The following NR4A1 variants were observed in gnomAD, a reference collection of about 807,000 sequenced individuals.
NR4A1 encodes nuclear receptor subfamily 4 group A member 1, also known as nuclear receptor subfamily 4immunitygroup A member 1.
In NR4A1, 24 loss-of-function variants were observed where a neutral mutation model predicts 47.5. That is an observed-to-expected ratio of 0.50 (90% CI 0.37 to 0.71). The LOEUF is 0.71. Ranked by LOEUF, NR4A1 falls within the 30% of genes least tolerant of loss-of-function variation. The pLI is 0.00. For missense variants in NR4A1, 669 were observed against 788.6 expected, an observed-to-expected ratio of 0.85 and a Z score of 1.82; for synonymous variants, 353 against 345.7, an observed-to-expected ratio of 1.02 and a Z score of -0.24.
Position 52,058,875 on chromosome 12 carries a change from C to CA in NR4A1, c.1730dup (p.Leu578AlafsTer12). On this transcript the variant is annotated frameshift_variant, in exon 7 of 7. Coordinates refer to ENST00000394825, the MANE Select transcript of NR4A1 (RefSeq NM_173157.3). LOFTEE classifies it high-confidence loss of function. ...AGGGCCTGCAGCGCATCTTCTACCT[C>CA]AAGCTGGAGGACTTGGTGCCCCCTC... The CA allele has an allele frequency of 6.2e-7, 1 of 1,614,120 alleles. No homozygotes were observed. Among genetic ancestry groups the CA allele is most frequent in the Non-Finnish European group, 8.5e-7 (1 of 1,179,950 alleles).
At chr12:52,023,804 C>T (rs886372995) in intron 1 of NR4A1, among the ~76,000 whole-genome samples, 2 of 152,228 alleles carry the variant, frequency 1.3e-5, no homozygotes, top group African/African-American at 4.8e-5. Context: ...CTGTGGCTCC[C>T]CGCTGCAAAG....
upstream of NR4A1, among the ~76,000 whole-genome samples, chr12:52,051,165 G>A (rs1322587169): frequency 6.6e-6 from 1 of 152,220 alleles, no homozygotes; most frequent in Non-Finnish European, 1.5e-5. Context: ...GGGCGCGGCG[G>A]GCGCGAGGAG....
At chr12:52,041,833 G>A (rs749363717) in exon 2 of NR4A1, 3 of 1,490,566 alleles carry the variant, frequency 2.0e-6, no homozygotes, top group Non-Finnish European at 2.7e-6. Context: ...ACAGAGGCCA[G>A]GCCCTGCCCC....
chr12:52,031,620 G>C (rs1375730871), intron 1 of NR4A1, among the ~76,000 whole-genome samples: 1 of 151,790 alleles, frequency 6.6e-6, no homozygotes, highest in Non-Finnish European at 1.5e-5. Flanking sequence ...CTGGGTGACA[G>C]AGTGAGACTC....
intron 1 of NR4A1, chr12:52,037,502 C>G: frequency 2.0e-6 from 2 of 981,408 alleles, no homozygotes; most frequent in Non-Finnish European, 2.4e-6. Flanking sequence ...AATCTCGGGT[C>G]TTCGGTGGAT....
chr12:52,046,524 C>T (rs1938647851), upstream of NR4A1, among the ~76,000 whole-genome samples: 2 of 152,156 alleles, frequency 1.3e-5, no homozygotes, highest in African/African-American at 2.4e-5. Flanking sequence ...GCATTCCCTG[C>T]TAATCATACT....
At chr12:52,038,233 T>G in intron 1 of NR4A1, 1 of 247,642 alleles carries the variant, frequency 4.0e-6, no homozygotes, top group Non-Finnish European at 6.5e-6. Context: ...CCCGGCTAAT[T>G]TTTGTATTTT....
intron 1 of NR4A1, chr12:52,052,441 A>C: frequency 1.0e-6 from 1 of 980,102 alleles, no homozygotes; most frequent in Non-Finnish European, 1.2e-6. Context: ...TTCCAGCTCC[A>C]GATGCTGATC....
At chr12:52,038,803 TC>T in intron 1 of NR4A1, 1 of 756,536 alleles carries the variant, frequency 1.3e-6, no homozygotes. Context: ...GACTGACGAT[TC>T]CTGTGCTGAG....
chr12:52,056,071 C>A lies in NR4A1; in HGVS notation c.918C>A (p.Asn306Lys). Residue 306 changes from asparagine to lysine, a missense_variant, in exon 3 of 7, where the codon AAC (asparagine) becomes AAA (lysine). Physicochemically the swap from Asn to Lys is moderately conservative, Grantham distance 94 (BLOSUM62 0). Transcript: ENST00000394825. ...QKNAKYICLA[N>K]KDCPVDKRRR... is the part of the protein sequence containing the mutation. ...ACGCCAAGTACATCTGCCTGGCTAA[C>A]AAGGACTGCCCTGTGGACAAGAGGC... 6.5e-7 allele frequency: 1 copy of A among 1,539,820 alleles called. No individual in the cohort carries two copies. The highest frequency in any genetic ancestry group is 1.1e-5 in the South Asian group (1 of 89,388).
chr12:52,058,886 A>T lies in NR4A1; in HGVS notation c.1739A>T (p.Asp580Val). Residue 580 changes from aspartate (D) to valine (V), a missense_variant, in exon 7 of 7, where the codon GAC becomes GTC. Transcript: ENST00000394825. ...CGCATCTTCTACCTCAAGCTGGAGG[A>T]CTTGGTGCCCCCTCCACCCATCATT... ...LQRIFYLKLE[D>V]LVPPPPIIDK... 6.2e-7 allele frequency: 1 copy of T among 1,614,050 alleles called. No homozygotes were observed. Among genetic ancestry groups the T allele is most frequent in the Non-Finnish European group, 8.5e-7 (1 of 1,179,910 alleles).
chr12:52,054,783 C>T lies in NR4A1; in HGVS notation c.455C>T (p.Ser152Phe). ...STPSFQPPQL[S>F]PWDGSFGHFS... ...CCCAGCTTCCAGCCGCCCCAGCTCTCTCCCTGGGATGGCTCCTTCGGCCAC... is the reference window on the plus strand; with the variant it reads ...CCCAGCTTCCAGCCGCCCCAGCTCTTTCCCTGGGATGGCTCCTTCGGCCAC... Residue 152 changes from serine to phenylalanine, a missense_variant, in exon 2 of 7, where the codon TCT (serine) becomes TTT (phenylalanine). Ser to Phe is a radical substitution (Grantham distance 155, BLOSUM62 -2). Coordinates refer to ENST00000394825, the MANE Select transcript of NR4A1 (RefSeq NM_173157.3). 1.2e-6 allele frequency: 2 copies of T among 1,613,042 alleles called. No homozygotes were observed. Among genetic ancestry groups the T allele is most frequent in the Non-Finnish European group, 1.7e-6 (2 of 1,179,980 alleles).
At chr12:52,041,231 A>G (rs1364506409) in intron 1 of NR4A1, among the ~76,000 whole-genome samples, 2 of 152,152 alleles carry the variant, frequency 1.3e-5, no homozygotes, top group Admixed American at 6.5e-5. Context: ...TTAATTTTAC[A>G]GATGTCATCA....
In NR4A1 at chr12:52,059,015, C is replaced by G. The variant is rs1346122658; in HGVS notation, c.*71C>G. The G allele has an allele frequency of 1.1e-5, 16 of 1,515,936 alleles. No homozygotes were observed. Among genetic ancestry groups the G allele is most frequent in the Non-Finnish European group, 1.4e-5 (16 of 1,123,906 alleles). The allele number at this position is 1,515,936 out of a possible 1,614,324, so 93.9% of individuals were successfully genotyped here. ...CCCCATGTGCCTTTAGTCCACGGACCCCCAGAGCACCCCCAAGCCTGGGCT... is the reference window on the plus strand; with the variant it reads ...CCCCATGTGCCTTTAGTCCACGGACGCCCAGAGCACCCCCAAGCCTGGGCT... On this transcript the variant is annotated 3_prime_UTR_variant, in exon 7 of 7. Transcript: ENST00000394825.
chr12:52,054,712 C>T lies in NR4A1; in HGVS notation c.384C>T (p.Gly128=). The change falls in exon 2 of 7, where the codon GGC becomes GGT. Residue 128 remains glycine, a synonymous_variant. Coordinates refer to ENST00000394825, the MANE Select transcript of NR4A1 (RefSeq NM_173157.3). ...TGGATGAGGCCCTGTCCTCCAGTGG[C>T]TCTGACTACTATGGCAGCCCCTGCT... is the stretch of plus-strand genomic sequence containing the variant. ...GPVDEALSSS[G]SDYYGSPCSA... 1 of 1,613,700 alleles carries T rather than the reference C, an allele frequency of 6.2e-7. No individual in the cohort carries two copies. Among genetic ancestry groups the T allele is most frequent in the Non-Finnish European group, 8.5e-7 (1 of 1,180,034 alleles).
At chr12:52,057,682 A>T in intron 6 of NR4A1, 152 bp downstream of exon 6, 1 of 824,634 alleles carries the variant, frequency 1.2e-6, no homozygotes, top group South Asian at 1.8e-5. Context: ...GCAGTAAAGT[A>T]GGGACCATAG....
chr12:52,046,132 C>G (rs1938625095), intron 2 of NR4A1, among the ~76,000 whole-genome samples: 1 of 152,202 alleles, frequency 6.6e-6, no homozygotes, highest in Admixed American at 6.5e-5. Flanking sequence ...CTGACCTCTA[C>G]TCAGTAGGGG....
rs1002459294 is a variant in NR4A1 at position 52,054,315 on chromosome 12, C to T, written c.-2-12C>T. 6 of 1,589,664 alleles carry T rather than the reference C, an allele frequency of 3.8e-6. No individual in the cohort carries two copies. In the African/African-American group the frequency reaches 5.4e-5, roughly 14 times the overall value. On this transcript the variant is annotated splice_polypyrimidine_tract_variant and intron_variant, in intron 1 of 6. Coordinates refer to ENST00000394825, the MANE Select transcript of NR4A1 (RefSeq NM_173157.3). ...CTCTCCTTTCCCTCCCTGGGGTCTCCTCTCTCTCCAGAGATGCCCTGTATC... is the reference window on the plus strand; with the variant it reads ...CTCTCCTTTCCCTCCCTGGGGTCTCTTCTCTCTCCAGAGATGCCCTGTATC...
chr12:52,040,849 G>C (rs1306071037), intron 1 of NR4A1, among the ~76,000 whole-genome samples: 1 of 152,156 alleles, frequency 6.6e-6, no homozygotes, highest in South Asian at 2.1e-4. Flanking sequence ...CAGTCTGAAG[G>C]GCAGTCCAAT....
Sources: allele counts gnomAD v4.1 joint callset (sites outside exome capture counted in the v4.1 genomes callset), GRCh38; gene constraint gnomAD v4.1.1; transcripts MANE v1.5; gene names NCBI Gene and HGNC (gene_info 2026-07-23, HGNC 2026-07-21).